GFAP: variants seen among roughly 807,000 people sequenced by gnomAD.
The protein encoded by GFAP is intermediate filament protein.
In GFAP, 38 loss-of-function variants were observed where a neutral mutation model predicts 49.3. The ratio of observed to expected loss-of-function variants is 0.77; its 90% CI spans 0.60 to 1.01. The LOEUF is 1.01. GFAP is among the 50% of genes least tolerant of loss of function. GFAP has a pLI of 0.00. For synonymous variants in GFAP, 222 were observed against 236.4 expected, an observed-to-expected ratio of 0.94 and a Z score of 0.56; for missense variants, 463 against 579.1, an observed-to-expected ratio of 0.80 and a Z score of 2.06.
intron 6 of GFAP, 135 bp from the exon 7 acceptor site, chr17:44,910,793 T>C: frequency 1.5e-6 from 2 of 1,328,742 alleles, no homozygotes; most frequent in South Asian, 2.8e-5. Context: ...TCCTAGCTTT[T>C]TCCCCAGCAG....
chr17:44,906,021 G>A lies in GFAP; in HGVS notation c.*1326C>T, dbSNP rs922682529. ...CTACCTAGAATACTGGGTACATTTT[G>A]TGTGTGAGTAAGAAGGGACCGCAAG... On this transcript the variant is annotated 3_prime_UTR_variant, in exon 9 of 9. Transcript: ENST00000588735. 8 of 152,296 alleles carry A rather than the reference G, an allele frequency of 5.3e-5. No individual in the cohort carries two copies. Among genetic ancestry groups the A allele is most frequent in the African/African-American group, 1.9e-4 (8 of 41,454 alleles). 9.4% of individuals were successfully genotyped at this position (152,296 alleles called of 1,614,324 possible). A position where few individuals can be genotyped will look rare whatever the true frequency, so the allele number is the denominator to read the frequency against.
At chr17:44,914,893 A>T in intron 1 of GFAP, 133 bp downstream of exon 1, 1 of 739,002 alleles carries the variant, frequency 1.4e-6, no homozygotes, top group Non-Finnish European at 2.3e-6. Context: ...GGGCAAGGAT[A>T]GTGCCCCATC....
chr17:44,910,452 G>C, intron 7 of GFAP, 163 bp downstream of exon 7: 1 of 1,565,874 alleles, frequency 6.4e-7, no homozygotes, highest in Non-Finnish European at 8.6e-7. Context: ...GAAGTACCCT[G>C]GTATGATAGG....
At position 44,911,236 on chromosome 17, in the gene GFAP, C is replaced by T; in HGVS notation, c.1127G>A (p.Arg376Gln). 2 of 1,613,258 alleles carry T rather than the reference C, an allele frequency of 1.2e-6. No homozygotes were observed. Among genetic ancestry groups the T allele is most frequent in the Non-Finnish European group, 1.7e-6 (2 of 1,179,436 alleles). Residue 376 changes from arginine (R) to glutamine (Q), a missense_variant and splice_region_variant, in exon 6 of 9, where the codon CGG becomes CAG. This residue lies in a region of GFAP where 362 missense variants were observed against 445.5 expected (regional missense o/e 0.81). Coordinates refer to ENST00000588735, the MANE Select transcript of GFAP (RefSeq NM_002055.5). ...YRKLLEGEEN[R>Q]ITIPVQTFSN... is the part of the protein sequence containing the mutation. The stretch of plus-strand genomic sequence containing the variant: ...CCCAGGGGCTGTGATGAGGGCTCAC[C>T]GGTTCTCCTCGCCCTCTAGCAGCTT...
rs1370883008 is a variant in GFAP, at chr17:44,904,572, C to G, written c.*2775G>C. ...TTAGTACCCTGTGAGAAGACAAAGA[C>G]CATCCGGGAGGGCGTGCTGGCCATC... On this transcript the variant is annotated 3_prime_UTR_variant, in exon 9 of 9. Transcript: ENST00000588735. The G allele has an allele frequency of 3.9e-6, 6 of 1,550,576 alleles. No homozygotes were observed. The East Asian group carries it at 1.5e-4, about 38-fold the overall frequency.
Position 44,906,937 on chromosome 17 carries a change from G to A in GFAP, c.*410C>T, listed in dbSNP as rs2051660775. On this transcript the variant is annotated 3_prime_UTR_variant, in exon 9 of 9. Coordinates refer to ENST00000588735, the MANE Select transcript of GFAP (RefSeq NM_002055.5). ...TCCAGCAGCCTGAGGAAACTCAAAG[G>A]CACAGTTCCCAGATACTCCGAGAGA... 1.1e-5 allele frequency: 3 copies of A among 272,712 alleles called. No individual in the cohort carries two copies. The highest frequency in any genetic ancestry group is 2.2e-5 in the African/African-American group (1 of 45,828). 16.9% of individuals were successfully genotyped at this position (272,712 alleles called of 1,614,324 possible). A position where few individuals can be genotyped will look rare whatever the true frequency, so the allele number is the denominator to read the frequency against.
chr17:44,910,945 G>A (rs894439618), intron 6 of GFAP: 11 of 603,534 alleles, frequency 1.8e-5, no homozygotes, highest in Non-Finnish European at 2.6e-5. Flanking sequence ...GATGGGTGAG[G>A]TGAGGAGTCC....
chr17:44,912,114 G>GT (rs529130288), intron 4 of GFAP, among the ~76,000 whole-genome samples: 12 of 151,544 alleles, frequency 7.9e-5, no homozygotes, highest in African/African-American at 2.9e-4. Context: ...GTGTGTTTTT[G>GT]TTTTTTTGTT....
chr17:44,903,367 A>G lies in GFAP; in HGVS notation c.*3980T>C. ...AGTCCCAAGCCATCAGCTCAGGTCC[A>G]GCCAGCCTCCCGGATGGCCAGATAT... On this transcript the variant is annotated 3_prime_UTR_variant, in exon 9 of 9. Transcript: ENST00000588735. The G allele has an allele frequency of 8.0e-7, 1 of 1,249,562 alleles. No individual in the cohort carries two copies. The highest frequency in any genetic ancestry group is 3.8e-5 in the South Asian group (1 of 26,408). 77.4% of individuals were successfully genotyped at this position (1,249,562 alleles called of 1,614,324 possible).
rs532769539 is a variant in GFAP at position 44,915,439 on chromosome 17, G to A, written c.48C>T (p.Ser16=). 1.2e-6 allele frequency: 2 copies of A among 1,609,146 alleles called. No homozygotes were observed. Among genetic ancestry groups the A allele is most frequent in the East Asian group, 2.2e-5 (1 of 44,754 alleles). Residue 16 remains serine, a synonymous_variant, in exon 1 of 9, where the codon TCC becomes TCT. Transcript: ENST00000588735. This position sits in a 1 kb window ranked among gnomAD's most constrained non-coding sequence, Gnocchi z 4.1. ...GGCCCCCCACCATCATCTCCCCTGA[G>A]GAGACGTAGGAGCGGCGAGCAGCGG... The part of the protein sequence containing the change: ...ITSAARRSYV[S]SGEMMVGGLA...
rs747893033 is a variant in GFAP at position 44,905,010 on chromosome 17, C to T, written c.*2337G>A. 1.3e-6 allele frequency: 2 copies of T among 1,550,742 alleles called. No individual in the cohort carries two copies. Among genetic ancestry groups the T allele is most frequent in the South Asian group, 2.4e-5 (2 of 84,044 alleles). On this transcript the variant is annotated 3_prime_UTR_variant, in exon 9 of 9. Transcript: ENST00000588735. ...CTGCTCATCACAGCAGTCTTTGTCA[C>T]CATTCACTTCTGTCGTTGCTGCTGC...
At position 44,911,672 on chromosome 17, in the gene GFAP, C is replaced by T. The variant is rs1208766068; in HGVS notation, c.906G>A (p.Thr302=). 4 of 1,612,640 alleles carry T rather than the reference C, an allele frequency of 2.5e-6. No individual in the cohort carries two copies. The highest frequency in any genetic ancestry group is 2.2e-5 in the South Asian group (2 of 91,072). Residue 302 remains threonine (T), a splice_region_variant and synonymous_variant, in exon 5 of 9, where the codon ACG becomes ACA. Transcript: ENST00000588735. ...LTCDLESLRG[T]NESLERQMRE... is the part of the protein sequence containing the mutation. ...CCCGTCCTGCCCTGGCCGCGCTCAC[C>T]GTGCCGCGCAGAGACTCCAGGTCGC... is the stretch of plus-strand genomic sequence containing the variant.
Position 44,910,670 on chromosome 17 carries a change from C to A in GFAP, c.1128-12G>T. Reference sequence around the variant, plus strand: ...CGGGAATGGTGATCCTGAAAGAAAGCAGAGGGAGAGGGCTGCCCGGGCTGC... The same window carrying A: ...CGGGAATGGTGATCCTGAAAGAAAGAAGAGGGAGAGGGCTGCCCGGGCTGC... On this transcript the variant is annotated splice_polypyrimidine_tract_variant and intron_variant, in intron 6 of 8. Transcript: ENST00000588735. 1.2e-5 allele frequency: 19 copies of A among 1,585,378 alleles called. No individual in the cohort carries two copies. The highest frequency in any genetic ancestry group is 1.6e-5 in the Non-Finnish European group (19 of 1,165,850).
chr17:44,910,598 G>A lies in GFAP; in HGVS notation c.1171+17C>T, dbSNP rs923548347. 1 of 1,569,280 alleles carries A rather than the reference G, an allele frequency of 6.4e-7. No homozygotes were observed. The highest frequency in any genetic ancestry group is 8.6e-7 in the Non-Finnish European group (1 of 1,156,086). On this transcript the variant is annotated intron_variant, in intron 7 of 8. Transcript: ENST00000588735. ...CAGGACTCCAGTGCCCTTCCCACGA[G>A]GCCCTGCTGTACTGACCTCGAATCT...
At chr17:44,913,903 C>T in intron 2 of GFAP, 80 bp from the exon 3 acceptor site, 1 of 1,383,888 alleles carries the variant, frequency 7.2e-7, no homozygotes, top group Admixed American at 1.7e-5. Context: ...CCTTGCCTTA[C>T]CCCTCCTTCT....
At position 44,911,475 on chromosome 17, in the gene GFAP, C is replaced by G. The variant is rs1465889616; in HGVS notation, c.907-19G>C. On this transcript the variant is annotated intron_variant, in intron 5 of 8. Coordinates refer to ENST00000588735, the MANE Select transcript of GFAP (RefSeq NM_002055.5). ...ACTCGTTCTGTGGGATGGAGCCGGC[C>G]GGTCCCGCGGAGCCCCGACCCGACT... The G allele has an allele frequency of 1.3e-6, 2 of 1,586,574 alleles. No individual in the cohort carries two copies. The highest frequency in any genetic ancestry group is 3.4e-5 in the Admixed American group (2 of 59,186).
intron 1 of GFAP, chr17:44,914,713 C>T (rs1359105704): frequency 2.2e-6 from 1 of 444,820 alleles, no homozygotes; most frequent in East Asian, 4.5e-5. Context: ...GAGCTCGCTG[C>T]CCACAGTCAC....
intron 7 of GFAP, chr17:44,910,391 G>T: frequency 6.2e-7 from 1 of 1,606,286 alleles, no homozygotes; most frequent in Non-Finnish European, 8.5e-7. Context: ...TGCAGGGAGG[G>T]GAAGAGGGAC....
At chr17:44,914,812 T>C in intron 1 of GFAP, 1 of 594,672 alleles carries the variant, frequency 1.7e-6, no homozygotes, top group Non-Finnish European at 3.0e-6. Context: ...CCTGGACTCC[T>C]GGCAGAAGGC....
Sources: gnomAD v4.1 joint callset for allele counts (sites outside exome capture counted in the v4.1 genomes callset) on GRCh38, gnomAD v4.1.1 for gene constraint, gnomAD v4.1.1 regional missense constraint, Gnocchi (gnomAD v3.1) non-coding constraint, MANE v1.5 for transcripts, NCBI Gene and HGNC (gene_info 2026-07-23, HGNC 2026-07-21) for gene names.